SYTL2: variants seen among roughly 807,000 people sequenced by gnomAD.
SYTL2 encodes synaptotagmin-like protein 2.
A neutral mutation model predicts 198.7 loss-of-function variants in SYTL2; 165 were observed. The ratio of observed to expected loss-of-function variants is 0.83; its 90% confidence interval spans 0.73 to 0.94. SYTL2 has a LOEUF of 0.94. SYTL2 is among the 40% of genes least tolerant of loss of function. The probability of loss-of-function intolerance (pLI) is 0.00; values close to 1 mark genes in which losing one functional copy is unlikely to be tolerated. For missense variants in SYTL2, 2,835 were observed against 2,582.8 expected (o/e 1.10, Z -2.12); for synonymous variants, 966 against 917.7 (o/e 1.05, Z -0.95).
At chr11:85,728,025 T>G in intron 7 of SYTL2, 58 bp from the exon 8 acceptor site, 7 of 1,399,580 alleles carry the variant, frequency 5.0e-6, no homozygotes, top group Non-Finnish European at 6.8e-6. Flanking sequence ...GAACTGTTAA[T>G]CATTCACATC....
intron 1 of SYTL2, among the ~76,000 whole-genome samples, chr11:85,785,701 G>A (rs1319515183): frequency 1.3e-5 from 2 of 152,140 alleles, no homozygotes; most frequent in African/African-American, 4.8e-5. Context: ...GAGGCTCATG[G>A]TCTGGACTGG....
chr11:85,821,726 G>C, the SYTL2 span, among the ~76,000 whole-genome samples: 17 of 152,330 alleles, frequency 1.1e-4, no homozygotes, highest in East Asian at 3.3e-3. Flanking sequence ...GAGATTAAAG[G>C]AAGTAGATTC....
chr11:85,722,444 G>A (rs1412976034), intron 8 of SYTL2, among the ~76,000 whole-genome samples: 1 of 152,046 alleles, frequency 6.6e-6, no homozygotes, highest in Non-Finnish European at 1.5e-5. Context: ...AAAGTGCTGG[G>A]ATTACAGGCG....
intron 1 of SYTL2, among the ~76,000 whole-genome samples, chr11:85,807,489 G>A (rs543436130): frequency 6.6e-6 from 1 of 152,334 alleles, no homozygotes; most frequent in East Asian, 1.9e-4. Context: ...TCTGGTAAGT[G>A]AGGATAGAAT....
chr11:85,702,467 G>A (rs2084474180), intron 16 of SYTL2, among the ~76,000 whole-genome samples: 1 of 152,152 alleles, frequency 6.6e-6, no homozygotes, highest in East Asian at 1.9e-4. Flanking sequence ...TTAAAGCTGA[G>A]AGCCACCGCA....
chr11:85,716,141 C>T (rs368745385), intron 11 of SYTL2: 2 of 152,152 alleles, frequency 1.3e-5, no homozygotes, highest in Admixed American at 6.5e-5. Flanking sequence ...AATAAAGATA[C>T]AGATATTTAG....
In SYTL2 at chr11:85,757,871, G is replaced by T; in HGVS notation, c.-146C>A. On this transcript the variant is annotated 5_prime_UTR_variant, in exon 2 of 20. In the 5' UTR this introduces an upstream ATG that the reference lacks. Transcript: ENST00000359152. ...TGCATCAAAGTCTTATTTTGGCTCA[G>T]CAAAAGTTTAGGGCAGCTGATAGCA... 1 of 1,243,470 alleles carries T rather than the reference G, an allele frequency of 8.0e-7. No homozygotes were observed. The highest frequency in any genetic ancestry group is 1.1e-6 in the Non-Finnish European group (1 of 905,896). 77.0% of individuals were successfully genotyped at this position (1,243,470 alleles called of 1,614,324 possible). A position where few individuals can be genotyped will look rare whatever the true frequency, so the allele number is the denominator to read the frequency against.
the SYTL2 span, among the ~76,000 whole-genome samples, chr11:85,832,231 C>A: frequency 1.3e-5 from 2 of 152,280 alleles, no homozygotes; most frequent in East Asian, 3.9e-4. Flanking sequence ...TTGGGTACAT[C>A]ATTTGTTACC....
At chr11:85,833,130 GGAAGGAAGGAAGGAAGGAAGGAAGGAAA>G in the SYTL2 span, among the ~76,000 whole-genome samples, 10 of 87,248 alleles carry the variant, frequency 1.1e-4, 2 homozygotes, top group Non-Finnish European at 2.0e-4. Context: ...AAGGAAGGAA[GGAAGGAAGGAAGGAAGGAAGGAAGGAAA>G]GAAAGAAAGA....
chr11:85,769,136 C>T (rs1337249149), intron 1 of SYTL2, among the ~76,000 whole-genome samples: 1 of 152,218 alleles, frequency 6.6e-6, no homozygotes, highest in Non-Finnish European at 1.5e-5. Context: ...TATGTTAATT[C>T]TATGGTAGGC....
chr11:85,759,437 T>C (rs992581581), intron 1 of SYTL2, among the ~76,000 whole-genome samples: 1 of 152,222 alleles, frequency 6.6e-6, no homozygotes, highest in African/African-American at 2.4e-5. Context: ...AGCTGTTTTC[T>C]CATTTGTGCT....
chr11:85,838,828 T>A, the SYTL2 span, among the ~76,000 whole-genome samples: 2 of 152,218 alleles, frequency 1.3e-5, no homozygotes, highest in East Asian at 3.8e-4. Flanking sequence ...ATAATAGTCA[T>A]ATGAGTTTTC....
the SYTL2 span, among the ~76,000 whole-genome samples, chr11:85,822,424 C>A: frequency 6.6e-6 from 1 of 152,352 alleles, no homozygotes; most frequent in South Asian, 2.1e-4. Context: ...GAGAACCTGT[C>A]TTGAATCCCT....
intron 17 of SYTL2, 37 bp from the exon 18 acceptor site, chr11:85,698,115 G>T (rs1048506589): frequency 1.4e-6 from 2 of 1,421,378 alleles, no homozygotes; most frequent in African/African-American, 1.4e-5. Context: ...TTCACTGCCA[G>T]TTCTCCCTTG....
At chr11:85,813,847 C>T (rs1258042122), upstream of SYTL2, among the ~76,000 whole-genome samples, 1 of 152,132 alleles carries the variant, frequency 6.6e-6, no homozygotes, top group Non-Finnish European at 1.5e-5. Context: ...CTCAGCCTTC[C>T]AGGTAGCTGG....
At chr11:85,800,877 C>G (rs1043450209) in intron 1 of SYTL2, among the ~76,000 whole-genome samples, 2 of 152,176 alleles carry the variant, frequency 1.3e-5, no homozygotes, top group Admixed American at 6.5e-5. Flanking sequence ...AGGTGACTGT[C>G]TTCACATTGA....
chr11:85,850,609 T>A, the SYTL2 span, among the ~76,000 whole-genome samples: 2 of 151,138 alleles, frequency 1.3e-5, no homozygotes, highest in Admixed American at 6.6e-5. Flanking sequence ...ATTGTGGAAG[T>A]CAGTGTGGCG....
At chr11:85,828,803 G>A in the SYTL2 span, among the ~76,000 whole-genome samples, 1 of 152,132 alleles carries the variant, frequency 6.6e-6, no homozygotes, top group South Asian at 2.1e-4. Flanking sequence ...TGCTAGTAGG[G>A]GTACAGCCAA....
At chr11:85,839,322 A>G in the SYTL2 span, among the ~76,000 whole-genome samples, 12 of 152,330 alleles carry the variant, frequency 7.9e-5, no homozygotes, top group African/African-American at 2.6e-4. Context: ...CTGCTATCCC[A>G]CAGTGATATT....
Sources: allele counts gnomAD v4.1 joint callset (sites outside exome capture counted in the v4.1 genomes callset), GRCh38; gene constraint gnomAD v4.1.1; transcripts MANE v1.5; gene names NCBI Gene and HGNC (gene_info 2026-07-23, HGNC 2026-07-21).